The following TRAPPC4 variants were observed in gnomAD, a reference collection of about 807,000 sequenced individuals.
TRAPPC4 encodes the protein TRS23 homolog.
In TRAPPC4, 30 loss-of-function variants were observed where a neutral mutation model predicts 23.5. The observed-to-expected ratio is 1.28, with a 90% confidence interval of 0.96 to 1.73. The LOEUF (loss-of-function observed/expected upper bound fraction) is 1.73. Among genes scored for constraint, TRAPPC4 ranks in the 40% most tolerant of loss-of-function variants. The pLI is 0.00. For synonymous variants in TRAPPC4, 129 were observed against 105.3 expected (o/e 1.23, Z -1.38); for missense variants, 252 against 268.9 (o/e 0.94, Z 0.44).
Position 119,020,186 on chromosome 11 carries a change from G to T in TRAPPC4, c.387G>T (p.Gln129His). ...TCGGCTCCCAGCTGTCTCCTGAACA[G>T]GGAAGCTCAGGCATTGAGATGCTGG... ...FAIGSQLSPE[Q>H]GSSGIEMLET... The change falls in exon 3 of 5, where the codon CAG becomes CAT. Residue 129 changes from glutamine to histidine, a missense_variant. Gln to His is a conservative substitution (Grantham distance 24). This residue lies in a region of TRAPPC4 where 222 missense variants were observed against 217.8 expected (regional missense o/e 1.02). Transcript: ENST00000533632. 1 of 1,613,996 alleles carries T rather than the reference G, an allele frequency of 6.2e-7. No homozygotes were observed. Among genetic ancestry groups the T allele is most frequent in the South Asian group, 1.1e-5 (1 of 91,076 alleles).
intron 3 of TRAPPC4, chr11:119,020,703 CTTTT>C (rs1180500800): frequency 1.5e-4 from 17 of 113,006 alleles, no homozygotes; most frequent in South Asian, 5.7e-4. Context: ...ACCCACAGTT[CTTTT>C]TTTTTTTTTT....
In TRAPPC4 at chr11:119,020,247, C is replaced by CT. The variant is rs1325565284; in HGVS notation, c.449dup (p.Thr151AspfsTer12). Reference sequence around the variant, plus strand: ...ATTCAAATTGCACTGCTACCAGACACTGACAGGTATGCATCTCCACGGAGG... The same window carrying CT: ...ATTCAAATTGCACTGCTACCAGACACTTGACAGGTATGCATCTCCACGGAGG... On this transcript the variant is annotated frameshift_variant, in exon 3 of 5. Transcript: ENST00000533632. LOFTEE classifies it high-confidence loss of function. 5 of 1,610,826 alleles carry CT rather than the reference C, an allele frequency of 3.1e-6. No individual in the cohort carries two copies. Among genetic ancestry groups the CT allele is most frequent in the Admixed American group, 3.3e-5 (2 of 59,994 alleles).
chr11:119,019,153 A>T lies in TRAPPC4; in HGVS notation c.186A>T (p.Ala62=), dbSNP rs1474065868. Reference sequence around the variant, plus strand: ...GCTTCACCTCTGCAGTGGGTCATGCAGTGCTGGCCATCAATGGCATGGACG... The same window carrying T: ...GCTTCACCTCTGCAGTGGGTCATGCTGTGCTGGCCATCAATGGCATGGACG... ...GQRDGIRVGH[A]VLAINGMDVN... The change falls in exon 2 of 5, where the codon GCA becomes GCT. Residue 62 remains alanine (A), a synonymous_variant. Transcript: ENST00000533632. 1 of 1,614,138 alleles carries T rather than the reference A, an allele frequency of 6.2e-7. No individual in the cohort carries two copies. Among genetic ancestry groups the T allele is most frequent in the Non-Finnish European group, 8.5e-7 (1 of 1,179,996 alleles).
chr11:119,022,849 T>G (rs1943407536), intron 4 of TRAPPC4, among the ~76,000 whole-genome samples: 2 of 151,654 alleles, frequency 1.3e-5, no homozygotes, highest in Non-Finnish European at 2.9e-5. Context: ...TGCAGTGAGC[T>G]GAGATCGTGC....
rs1035662501 is a variant in TRAPPC4, at chr11:119,021,487, T to C, written c.455-273T>C. 3 of 291,846 alleles carry C rather than the reference T, an allele frequency of 1.0e-5. No individual in the cohort carries two copies. In the South Asian group the frequency reaches 1.7e-4, roughly 16 times the overall value. The allele number at this position is 291,846 out of a possible 1,614,324, so 18.1% of individuals were successfully genotyped here. A position where few individuals can be genotyped will look rare whatever the true frequency, so the allele number is the denominator to read the frequency against. On this transcript the variant is annotated intron_variant, in intron 3 of 4. Coordinates refer to ENST00000533632, the MANE Select transcript of TRAPPC4 (RefSeq NM_016146.6). The stretch of plus-strand genomic sequence containing the variant: ...ACTTTGTCCCCTGCCTGGCAATGTT[T>C]CTGCTGAGGGACTCCAAAACTGTTA...
At chr11:119,019,051 G>C in intron 1 of TRAPPC4, 81 bp downstream of exon 1, 2 of 1,589,078 alleles carry the variant, frequency 1.3e-6, no homozygotes, top group Non-Finnish European at 1.7e-6. Flanking sequence ...GTAGGTGCGG[G>C]GTTGGGGGAA....
Position 119,019,147 on chromosome 11 carries a change from T to C in TRAPPC4, c.180T>C (p.Gly60=). ...AFGQRDGIRV[G]HAVLAINGMD... is the part of the protein sequence containing the mutation. Reference sequence around the variant, plus strand: ...CCGTTAGCTTCACCTCTGCAGTGGGTCATGCAGTGCTGGCCATCAATGGCA... The same window carrying C: ...CCGTTAGCTTCACCTCTGCAGTGGGCCATGCAGTGCTGGCCATCAATGGCA... The change falls in exon 2 of 5, where the codon GGT becomes GGC. Residue 60 remains glycine, a synonymous_variant. Transcript: ENST00000533632. 2 of 1,614,008 alleles carry C rather than the reference T, an allele frequency of 1.2e-6. No homozygotes were observed. Among genetic ancestry groups the C allele is most frequent in the Non-Finnish European group, 1.7e-6 (2 of 1,179,920 alleles).
In TRAPPC4 at chr11:119,019,976, A is replaced by G. The variant is rs1943300833; in HGVS notation, c.351-174A>G. On this transcript the variant is annotated intron_variant, in intron 2 of 4. Coordinates refer to ENST00000533632, the MANE Select transcript of TRAPPC4 (RefSeq NM_016146.6). The stretch of plus-strand genomic sequence containing the variant: ...TCTTGTAACAAAGTATGAATGTAAA[A>G]TATTCACAGAATTCAAATGAACTTA... 1.1e-5 allele frequency: 6 copies of G among 536,210 alleles called. No homozygotes were observed. The South Asian group carries it at 1.6e-4, about 14-fold the overall frequency. 33.2% of individuals were successfully genotyped at this position (536,210 alleles called of 1,614,324 possible).
chr11:119,021,543 G>A (rs1943358485), intron 3 of TRAPPC4: 1 of 461,708 alleles, frequency 2.2e-6, no homozygotes, highest in Non-Finnish European at 3.9e-6. Context: ...TCAAAGCCTG[G>A]TCTTAATCAG....
At position 119,018,778 on chromosome 11, in the gene TRAPPC4, C is replaced by T. The variant is rs782148526; in HGVS notation, c.-18C>T. ...TCGGGTAGAGGCTGAATACCAGTTT[C>T]CGAGCGGCAAGGCAGCGATGGCGAT... On this transcript the variant is annotated 5_prime_UTR_variant, in exon 1 of 5. Coordinates refer to ENST00000533632, the MANE Select transcript of TRAPPC4 (RefSeq NM_016146.6). The T allele has an allele frequency of 1.2e-6, 2 of 1,610,128 alleles. No homozygotes were observed. Among genetic ancestry groups the T allele is most frequent in the South Asian group, 1.1e-5 (1 of 91,012 alleles).
chr11:119,018,834 C>T lies in TRAPPC4; in HGVS notation c.39C>T (p.Gly13=), dbSNP rs782653917. The part of the protein sequence containing the change: ...IFSVYVVNKA[G]GLIYQLDSYA... ...GTGTGTATGTGGTGAACAAAGCTGGCGGCTTGATTTACCAGTTGGACAGCT... is the reference window on the plus strand; with the variant it reads ...GTGTGTATGTGGTGAACAAAGCTGGTGGCTTGATTTACCAGTTGGACAGCT... The change falls in exon 1 of 5, where the codon GGC becomes GGT. Residue 13 remains glycine (G), a synonymous_variant. Transcript: ENST00000533632. 4 of 1,614,216 alleles carry T rather than the reference C, an allele frequency of 2.5e-6. No individual in the cohort carries two copies. The highest frequency in any genetic ancestry group is 3.4e-6 in the Non-Finnish European group (4 of 1,180,036).
chr11:119,023,191 C>G (rs1943439970), intron 4 of TRAPPC4, 130 bp from the exon 5 acceptor site: 7 of 807,974 alleles, frequency 8.7e-6, no homozygotes, highest in Admixed American at 4.1e-5. Context: ...TCTCAAAGTC[C>G]TGACCTCAGC....
intron 1 of TRAPPC4, 78 bp downstream of exon 1, chr11:119,019,048 CGGGGTTGGGGGAAAA>C: frequency 6.3e-7 from 1 of 1,585,560 alleles, no homozygotes; most frequent in Non-Finnish European, 8.6e-7. Flanking sequence ...GTTGTAGGTG[CGGGGTTGGGGGAAAA>C]GGGGTTGTGT....
intron 3 of TRAPPC4, 59 bp from the exon 4 acceptor site, chr11:119,021,701 G>C: frequency 6.3e-7 from 1 of 1,595,060 alleles, no homozygotes; most frequent in Non-Finnish European, 8.6e-7. Context: ...TACAAATACA[G>C]GATGACACTA....
At chr11:119,020,370 G>C (rs545129916) in intron 3 of TRAPPC4, 117 bp downstream of exon 3, 1 of 750,076 alleles carries the variant, frequency 1.3e-6, no homozygotes. Flanking sequence ...GGAGGAGGGG[G>C]TTGACCAAAG....
In TRAPPC4 at chr11:119,023,894, T is replaced by G. The variant is rs994320587; in HGVS notation, c.*495T>G. 6.5e-6 allele frequency: 1 copy of G among 154,166 alleles called. No individual in the cohort carries two copies. Among genetic ancestry groups the G allele is most frequent in the Non-Finnish European group, 1.4e-5 (1 of 69,254 alleles). 9.5% of individuals were successfully genotyped at this position (154,166 alleles called of 1,614,324 possible). A position where few individuals can be genotyped will look rare whatever the true frequency, so the allele number is the denominator to read the frequency against. On this transcript the variant is annotated 3_prime_UTR_variant, in exon 5 of 5. Coordinates refer to ENST00000533632, the MANE Select transcript of TRAPPC4 (RefSeq NM_016146.6). Reference sequence around the variant, plus strand: ...GTGGTGGCAGCAGTGGTGGTGGCTGTTATGATGATGATGATGATGGAACAT... The same window carrying G: ...GTGGTGGCAGCAGTGGTGGTGGCTGGTATGATGATGATGATGATGGAACAT...
chr11:119,023,476 C>A lies in TRAPPC4; in HGVS notation c.*77C>A. 1 of 1,410,724 alleles carries A rather than the reference C, an allele frequency of 7.1e-7. No homozygotes were observed. The allele number at this position is 1,410,724 out of a possible 1,614,324, so 87.4% of individuals were successfully genotyped here. A position where few individuals can be genotyped will look rare whatever the true frequency, so the allele number is the denominator to read the frequency against. ...CTGCTGTTGACACTCCAGTGGAAAT[C>A]CCAGCAGCCTTGTTAGTGCACTTGA... On this transcript the variant is annotated 3_prime_UTR_variant, in exon 5 of 5. Transcript: ENST00000533632.
chr11:119,018,931 C>CGT lies in TRAPPC4; in HGVS notation c.141_142dup (p.Leu48CysfsTer25), dbSNP rs1943246615. The CGT allele has an allele frequency of 6.2e-7, 1 of 1,613,518 alleles. No individual in the cohort carries two copies. Among genetic ancestry groups the CGT allele is most frequent in the Non-Finnish European group, 8.5e-7 (1 of 1,180,014 alleles). On this transcript the variant is annotated frameshift_variant, in exon 1 of 5. Transcript: ENST00000533632. LOFTEE classifies it high-confidence loss of function. Reference sequence around the variant, plus strand: ...TCTGCTGCTCAAGCTACACGATGAGCGTGTGTTGGTTGCTTTCGGCCAGCG... The same window carrying CGT: ...TCTGCTGCTCAAGCTACACGATGAGCGTGTGTGTTGGTTGCTTTCGGCCAGCG...
rs782427953 is a variant in TRAPPC4 at position 119,021,749 on chromosome 11, T to A, written c.455-11T>A. On this transcript the variant is annotated splice_polypyrimidine_tract_variant and intron_variant, in intron 3 of 4. Coordinates refer to ENST00000533632, the MANE Select transcript of TRAPPC4 (RefSeq NM_016146.6). ...TCTACGCTTTGGTAACCATTCTTGG[T>A]CTCTCTCCAGGGATCAAGTTTGTGG... 6.2e-7 allele frequency: 1 copy of A among 1,613,856 alleles called. No homozygotes were observed. Among genetic ancestry groups the A allele is most frequent in the Admixed American group, 1.7e-5 (1 of 59,998 alleles).
Sources: allele counts gnomAD v4.1 joint callset (sites outside exome capture counted in the v4.1 genomes callset), GRCh38; gene constraint gnomAD v4.1.1; regional missense constraint gnomAD v4.1.1; transcripts MANE v1.5; gene names NCBI Gene and HGNC (gene_info 2026-07-23, HGNC 2026-07-21).